ELMO1: variants seen among roughly 807,000 people sequenced by gnomAD.
ELMO1 encodes engulfment and cell motility protein 1.
In ELMO1, 26 loss-of-function variants were observed where a neutral mutation model predicts 98.9. The observed-to-expected ratio is 0.26, with a 90% confidence interval of 0.19 to 0.36. The LOEUF (loss-of-function observed/expected upper bound fraction) is 0.36, where lower values mean the gene tolerates loss of function less well. Ranked by LOEUF, ELMO1 falls within the 10% of genes least tolerant of loss-of-function variation. The probability of loss-of-function intolerance (pLI) is 1.00; values close to 1 mark genes in which losing one functional copy is unlikely to be tolerated. For missense variants in ELMO1, 627 were observed against 935.2 expected (o/e 0.67, Z 4.30); for synonymous variants, 346 against 346.0 (o/e 1.00, Z 0.00).
chr7:37,232,062 A>G (rs1247684927), intron 8 of ELMO1, among the ~76,000 whole-genome samples: 1 of 152,164 alleles, frequency 6.6e-6, no homozygotes, highest in African/African-American at 2.4e-5. Flanking sequence ...CATGTTGGTC[A>G]AGCTGGTCTT....
At chr7:37,319,273 GC>G (rs1371488734) in intron 2 of ELMO1, among the ~76,000 whole-genome samples, 3 of 152,124 alleles carry the variant, frequency 2.0e-5, no homozygotes, top group African/African-American at 4.8e-5. Flanking sequence ...ACCTGATTCT[GC>G]CACGACTTCT....
chr7:37,390,086 G>A (rs576821402), intron 1 of ELMO1, among the ~76,000 whole-genome samples: 1 of 152,036 alleles, frequency 6.6e-6, no homozygotes, highest in South Asian at 2.1e-4. Flanking sequence ...TCTGTGTATA[G>A]GCTATCACAG....
At chr7:36,984,724 AG>A (rs1791370353) in intron 16 of ELMO1, among the ~76,000 whole-genome samples, 1 of 152,164 alleles carries the variant, frequency 6.6e-6, no homozygotes, top group African/African-American at 2.4e-5. Flanking sequence ...TTTGAAGTCA[AG>A]TGGACTGTAA....
At chr7:37,035,810 G>A (rs1370152190) in intron 15 of ELMO1, among the ~76,000 whole-genome samples, 1 of 152,146 alleles carries the variant, frequency 6.6e-6, no homozygotes, top group African/African-American at 2.4e-5. Flanking sequence ...ACTTTATCTG[G>A]AGATGATTAC....
chr7:36,956,390 T>A (rs1345358905), intron 16 of ELMO1, among the ~76,000 whole-genome samples: 1 of 152,224 alleles, frequency 6.6e-6, no homozygotes, highest in Admixed American at 6.5e-5. Context: ...TGCCTTCTTG[T>A]CTTTTTTGAA....
At chr7:37,360,785 T>C (rs986650164) in intron 1 of ELMO1, among the ~76,000 whole-genome samples, 1 of 152,198 alleles carries the variant, frequency 6.6e-6, no homozygotes, top group Admixed American at 6.5e-5. Context: ...TTAACTGCCA[T>C]CTACAAAGGT....
intron 19 of ELMO1, among the ~76,000 whole-genome samples, chr7:36,875,119 C>T (rs975582687): frequency 6.6e-6 from 1 of 152,190 alleles, no homozygotes; most frequent in East Asian, 1.9e-4. Context: ...ATTAAAAGCA[C>T]GTCTCATTTT....
At chr7:37,304,694 C>T (rs375214110) in intron 4 of ELMO1, among the ~76,000 whole-genome samples, 6 of 152,142 alleles carry the variant, frequency 3.9e-5, no homozygotes, top group South Asian at 2.1e-4. Context: ...TCAGCCTGGG[C>T]GACAGAGCGA....
intron 12 of ELMO1, among the ~76,000 whole-genome samples, 168 bp from the exon 13 acceptor site, chr7:37,211,685 A>T (rs1006535386): frequency 5.3e-5 from 8 of 152,030 alleles, no homozygotes; most frequent in African/African-American, 1.9e-4. Flanking sequence ...TTTGCAGACC[A>T]CTCTTCCCCC....
chr7:37,193,618 C>T (rs1397136880), intron 13 of ELMO1, among the ~76,000 whole-genome samples: 4 of 152,118 alleles, frequency 2.6e-5, no homozygotes. Flanking sequence ...ATACTCAGCA[C>T]TAAAAATAAG....
At chr7:36,949,493 C>A (rs4720231) in intron 16 of ELMO1, among the ~76,000 whole-genome samples, 46,201 of 150,396 alleles carry the variant, frequency 0.31, 7,167 homozygotes, top group South Asian at 0.42. Flanking sequence ...AGACATCAGA[C>A]CAGGTTCTCT....
chr7:37,397,076 G>A (rs965059303), intron 1 of ELMO1, among the ~76,000 whole-genome samples: 1 of 152,202 alleles, frequency 6.6e-6, no homozygotes, highest in Admixed American at 6.5e-5. Flanking sequence ...AAATAAACTG[G>A]CTGGAATATA....
intron 1 of ELMO1, among the ~76,000 whole-genome samples, chr7:37,433,725 C>T (rs957005109): frequency 6.6e-6 from 1 of 152,072 alleles, no homozygotes; most frequent in African/African-American, 2.4e-5. Flanking sequence ...AAGGAAAGCC[C>T]CCCAAAAACG....
At chr7:36,962,139 G>C (rs17170810) in intron 16 of ELMO1, among the ~76,000 whole-genome samples, 3,969 of 152,264 alleles carry the variant, frequency 0.026, 169 homozygotes, top group African/African-American at 0.09. Flanking sequence ...TAACTGGCCT[G>C]GTGACCTAGT....
intron 16 of ELMO1, among the ~76,000 whole-genome samples, chr7:36,895,473 A>G (rs188174295): frequency 4.6e-5 from 7 of 152,324 alleles, no homozygotes; most frequent in African/African-American, 1.7e-4. Flanking sequence ...ATGTGAACAG[A>G]TACTCACACT....
At chr7:36,970,911 G>C (rs1391617812) in intron 16 of ELMO1, among the ~76,000 whole-genome samples, 1 of 152,218 alleles carries the variant, frequency 6.6e-6, no homozygotes. Flanking sequence ...GGAGACATGA[G>C]GGGAGAGGCC....
At chr7:37,041,246 A>G (rs1256071172) in intron 15 of ELMO1, among the ~76,000 whole-genome samples, 1 of 152,220 alleles carries the variant, frequency 6.6e-6, no homozygotes, top group Non-Finnish European at 1.5e-5. Context: ...GGCTGTCCCT[A>G]TAATGTCCTT....
chr7:37,412,325 C>T (rs972915850), intron 1 of ELMO1, among the ~76,000 whole-genome samples: 2 of 152,204 alleles, frequency 1.3e-5, no homozygotes, highest in African/African-American at 4.8e-5. Flanking sequence ...TGAGGAAAGG[C>T]TGTGCCAGCC....
chr7:37,173,145 CA>C (rs1441857604), intron 13 of ELMO1, among the ~76,000 whole-genome samples: 1 of 152,230 alleles, frequency 6.6e-6, no homozygotes, highest in Admixed American at 6.5e-5. Context: ...TGGATTACAT[CA>C]TCTGCAACTG....
Sources: allele counts gnomAD v4.1 joint callset (sites outside exome capture counted in the v4.1 genomes callset), GRCh38; gene constraint gnomAD v4.1.1; transcripts MANE v1.5; gene names NCBI Gene and HGNC (gene_info 2026-07-23, HGNC 2026-07-21).